SLC44A3: variants seen among roughly 807,000 people sequenced by gnomAD.
SLC44A3 encodes choline transporter-like protein 3.
In SLC44A3, 74 loss-of-function variants were observed where a neutral mutation model predicts 75.4. The ratio of observed to expected loss-of-function variants is 0.98; its 90% CI spans 0.81 to 1.19. The LOEUF (loss-of-function observed/expected upper bound fraction) is 1.19, where lower values mean the gene tolerates loss of function less well. Ranked by LOEUF, SLC44A3 falls within the 50% of genes most tolerant of loss-of-function variation. SLC44A3 has a pLI of 0.00. For synonymous variants in SLC44A3, 310 were observed against 296.9 expected, an observed-to-expected ratio of 1.04 and a Z score of -0.45; for missense variants, 700 against 778.6, an observed-to-expected ratio of 0.90 and a Z score of 1.20.
intron 2 of SLC44A3, 35 bp downstream of exon 2, chr1:94,821,091 G>A (rs1353443545): frequency 9.3e-6 from 14 of 1,511,042 alleles, no homozygotes; most frequent in African/African-American, 1.4e-5. Context: ...AGAGGCCAGA[G>A]TGTGTGTGCA....
At chr1:94,824,454 C>T in intron 2 of SLC44A3, 39 bp from the exon 3 acceptor site, 1 of 1,554,558 alleles carries the variant, frequency 6.4e-7, no homozygotes. Flanking sequence ...GTGCGCTCAG[C>T]CCTTTGGCCA....
chr1:94,847,290 C>T (rs1664530963), intron 9 of SLC44A3, among the ~76,000 whole-genome samples: 2 of 152,212 alleles, frequency 1.3e-5, no homozygotes, highest in Admixed American at 6.5e-5. Context: ...GCAGCCTCTG[C>T]CCTTGCTTCC....
chr1:94,847,591 T>G (rs1664579763), intron 9 of SLC44A3, among the ~76,000 whole-genome samples: 1 of 152,212 alleles, frequency 6.6e-6, no homozygotes, highest in African/African-American at 2.4e-5. Context: ...ATGGCCTTCC[T>G]CTAGCGAGCT....
At chr1:94,846,911 T>C (rs1288055169) in intron 9 of SLC44A3, among the ~76,000 whole-genome samples, 3 of 152,202 alleles carry the variant, frequency 2.0e-5, no homozygotes, top group African/African-American at 7.2e-5. Context: ...TCCCCTTCCT[T>C]CTCCTCTGGA....
intron 9 of SLC44A3, among the ~76,000 whole-genome samples, 168 bp from the exon 10 acceptor site, chr1:94,857,167 G>A (rs1403010540): frequency 6.6e-6 from 1 of 152,220 alleles, no homozygotes; most frequent in African/African-American, 2.4e-5. Flanking sequence ...AGTTAAATGT[G>A]TGTTTTTGAT....
At chr1:94,864,720 G>A (rs1449911491) in intron 10 of SLC44A3, 23 bp from the exon 11 acceptor site, 40 of 1,605,920 alleles carry the variant, frequency 2.5e-5, no homozygotes, top group Non-Finnish European at 3.2e-5. Context: ...TTTTTAAAAT[G>A]CTATCCTTTT....
intron 7 of SLC44A3, among the ~76,000 whole-genome samples, chr1:94,840,283 CTTTTTTTTTTTTT>C (rs56383271): frequency 1.3e-5 from 1 of 77,360 alleles, no homozygotes; most frequent in African/African-American, 5.1e-5. Flanking sequence ...TTTCTTTTTC[CTTTTTTTTTTTTT>C]TTTTTTTTTT....
At chr1:94,866,935 G>GTT (rs199657756) in intron 11 of SLC44A3, among the ~76,000 whole-genome samples, 1 of 151,424 alleles carries the variant, frequency 6.6e-6, no homozygotes, top group Non-Finnish European at 1.5e-5. Flanking sequence ...TGTATTATTT[G>GTT]TTTTTTTTGT....
chr1:94,877,706 G>A (rs965533063), intron 12 of SLC44A3, among the ~76,000 whole-genome samples: 2 of 152,116 alleles, frequency 1.3e-5, no homozygotes, highest in Non-Finnish European at 2.9e-5. Flanking sequence ...TTTGGCAAGT[G>A]GATCCAGGCT....
chr1:94,890,559 C>G (rs1670097298), intron 12 of SLC44A3, among the ~76,000 whole-genome samples: 1 of 152,232 alleles, frequency 6.6e-6, no homozygotes, highest in Admixed American at 6.5e-5. Flanking sequence ...TGAAGGAGCT[C>G]ACTTCCCTAG....
intron 9 of SLC44A3, among the ~76,000 whole-genome samples, chr1:94,856,939 C>G (rs1665950934): frequency 6.6e-6 from 1 of 152,094 alleles, no homozygotes; most frequent in African/African-American, 2.4e-5. Context: ...CCATGTTGAT[C>G]AGGCTGGTCT....
intron 8 of SLC44A3, among the ~76,000 whole-genome samples, chr1:94,844,775 G>A (rs984949649): frequency 4.6e-5 from 7 of 152,292 alleles, no homozygotes; most frequent in South Asian, 2.1e-4. Context: ...AGTAAGAGAC[G>A]GCAGTGGCTG....
chr1:94,874,928 C>T (rs184507483), intron 12 of SLC44A3, among the ~76,000 whole-genome samples: 1 of 152,280 alleles, frequency 6.6e-6, no homozygotes, highest in Admixed American at 6.5e-5. Flanking sequence ...AAGAGTCAAA[C>T]AGATGAAGAT....
At chr1:94,877,640 G>A (rs1043563364) in intron 12 of SLC44A3, among the ~76,000 whole-genome samples, 3 of 152,138 alleles carry the variant, frequency 2.0e-5, no homozygotes, top group African/African-American at 7.2e-5. Flanking sequence ...GCGGCTAAGA[G>A]AATTTTGCTT....
At chr1:94,864,584 A>C (rs1666943124) in intron 10 of SLC44A3, among the ~76,000 whole-genome samples, 159 bp from the exon 11 acceptor site, 3 of 152,224 alleles carry the variant, frequency 2.0e-5, no homozygotes, top group Non-Finnish European at 4.4e-5. Context: ...AATACAAGAA[A>C]CAATTTAACC....
intron 2 of SLC44A3, among the ~76,000 whole-genome samples, chr1:94,822,299 C>T (rs1297133131): frequency 6.6e-6 from 1 of 152,180 alleles, no homozygotes; most frequent in Non-Finnish European, 1.5e-5. Flanking sequence ...TGAGAGGTGG[C>T]ACGGAGCTGG....
At chr1:94,831,984 T>C (rs1043811649) in intron 5 of SLC44A3, among the ~76,000 whole-genome samples, 3 of 152,058 alleles carry the variant, frequency 2.0e-5, no homozygotes, top group Non-Finnish European at 4.4e-5. Context: ...TGGCCAACAA[T>C]GGTGAAAGCC....
At chr1:94,838,006 G>A in intron 6 of SLC44A3, 135 bp downstream of exon 6, 1 of 914,462 alleles carries the variant, frequency 1.1e-6, no homozygotes, top group Non-Finnish European at 1.6e-6. Context: ...TATTTTCAGT[G>A]TTTCAGATTT....
chr1:94,881,103 G>T (rs6700314), intron 12 of SLC44A3, among the ~76,000 whole-genome samples: 1 of 152,064 alleles, frequency 6.6e-6, no homozygotes, highest in Non-Finnish European at 1.5e-5. Flanking sequence ...AATTATAAAC[G>T]TTTTTCACTG....
Sources: gnomAD v4.1 joint callset for allele counts (sites outside exome capture counted in the v4.1 genomes callset) on GRCh38, gnomAD v4.1.1 for gene constraint, MANE v1.5 for transcripts, NCBI Gene and HGNC (gene_info 2026-07-23, HGNC 2026-07-21) for gene names.